ERGIC2: variants seen among roughly 807,000 people sequenced by gnomAD.
ERGIC2 encodes the protein endoplasmic reticulum-Golgi intermediate compartment protein 2.
A neutral mutation model predicts 52.5 loss-of-function variants in ERGIC2; 31 were observed. That is an observed-to-expected ratio of 0.59 (90% CI 0.44 to 0.80). The LOEUF is 0.80. ERGIC2 is among the 30% of genes least tolerant of loss of function. The pLI is 0.00. For synonymous variants in ERGIC2, 129 were observed against 140.6 expected (o/e 0.92, Z 0.58); for missense variants, 395 against 455.2 (o/e 0.87, Z 1.20).
Position 29,343,266 on chromosome 12 carries a change from T to C in ERGIC2, c.842A>G (p.His281Arg), listed in dbSNP as rs1471217158. ...AGAGACTCCATGGCTGCCTGCAGCA[T>C]GGTTAATGATACGTTCCTAAAAGGG... ...SVTERERIIN[H>R]AAGSHGVSGI... Residue 281 changes from histidine to arginine, a missense_variant, in exon 12 of 14, where the codon CAT becomes CGT. Physicochemically the swap from His to Arg is conservative, Grantham distance 29. Coordinates refer to ENST00000360150, the MANE Select transcript of ERGIC2 (RefSeq NM_016570.3). 3 of 1,591,236 alleles carry C rather than the reference T, an allele frequency of 1.9e-6. No homozygotes were observed. The highest frequency in any genetic ancestry group is 2.3e-5 in the East Asian group (1 of 44,442).
intron 12 of ERGIC2, among the ~76,000 whole-genome samples, chr12:29,342,025 T>C (rs1949843820): frequency 6.6e-6 from 1 of 152,096 alleles, no homozygotes; most frequent in East Asian, 1.9e-4. Context: ...GCACAATCTT[T>C]TTTTTTTTGA....
At chr12:29,344,500 A>G (rs1940014930) in intron 11 of ERGIC2, among the ~76,000 whole-genome samples, 1 of 152,142 alleles carries the variant, frequency 6.6e-6, no homozygotes, top group Non-Finnish European at 1.5e-5. Context: ...AAAGCACAAT[A>G]TGTTCTGGTA....
chr12:29,356,103 C>G (rs1352753874), intron 8 of ERGIC2, among the ~76,000 whole-genome samples: 1 of 151,936 alleles, frequency 6.6e-6, no homozygotes, highest in Non-Finnish European at 1.5e-5. Flanking sequence ...CTCACTACAA[C>G]CTCCGCCTCC....
intron 5 of ERGIC2, 63 bp downstream of exon 5, chr12:29,366,814 C>A: frequency 2.3e-6 from 2 of 872,050 alleles, no homozygotes; most frequent in African/African-American, 1.7e-5. Context: ...AAGCAACTAT[C>A]TGTCTTCAAG....
chr12:29,379,030 T>C (rs892655135), intron 1 of ERGIC2, among the ~76,000 whole-genome samples: 1 of 152,196 alleles, frequency 6.6e-6, no homozygotes, highest in African/African-American at 2.4e-5. Context: ...GTGAGGTTAG[T>C]TGACAATCTC....
At chr12:29,366,366 G>A (rs188521240) in intron 5 of ERGIC2, among the ~76,000 whole-genome samples, 25 of 151,986 alleles carry the variant, frequency 1.6e-4, no homozygotes, top group Non-Finnish European at 3.2e-4. Context: ...CATTTCACAC[G>A]CTGAGGGAAA....
At chr12:29,354,721 G>A (rs1196246675) in intron 8 of ERGIC2, among the ~76,000 whole-genome samples, 1 of 152,164 alleles carries the variant, frequency 6.6e-6, no homozygotes, top group African/African-American at 2.4e-5. Context: ...CACCTGGGAA[G>A]GAAAGTGAAA....
chr12:29,344,532 G>A (rs1940015291), intron 11 of ERGIC2, among the ~76,000 whole-genome samples: 1 of 152,046 alleles, frequency 6.6e-6, no homozygotes, highest in East Asian at 1.9e-4. Flanking sequence ...TAGTTTCTTT[G>A]TGTGAGTGTA....
At chr12:29,369,463 T>C (rs552275033) in intron 3 of ERGIC2, among the ~76,000 whole-genome samples, 1 of 152,116 alleles carries the variant, frequency 6.6e-6, no homozygotes, top group African/African-American at 2.4e-5. Flanking sequence ...TTGCTGTCTG[T>C]ACTTTACAAA....
chr12:29,351,113 T>G (rs932035168), intron 8 of ERGIC2, among the ~76,000 whole-genome samples: 2 of 152,008 alleles, frequency 1.3e-5, no homozygotes, highest in African/African-American at 4.8e-5. Context: ...TGCTATGTAG[T>G]AGGGCAAGAT....
chr12:29,356,069 T>A (rs1223830522), intron 8 of ERGIC2, among the ~76,000 whole-genome samples: 1 of 152,090 alleles, frequency 6.6e-6, no homozygotes, highest in Admixed American at 6.6e-5. Flanking sequence ...TCGCCCAGGC[T>A]GTAGTGCAGT....
chr12:29,341,506 G>A (rs1263165578), intron 13 of ERGIC2, among the ~76,000 whole-genome samples: 1 of 152,090 alleles, frequency 6.6e-6, no homozygotes, highest in Non-Finnish European at 1.5e-5. Context: ...AAGTAGCTGG[G>A]ACTACAGGCT....
Position 29,340,736 on chromosome 12 carries a change from C to A in ERGIC2, c.*420G>T. On this transcript the variant is annotated 3_prime_UTR_variant, in exon 14 of 14. Coordinates refer to ENST00000360150, the MANE Select transcript of ERGIC2 (RefSeq NM_016570.3). Reference sequence around the variant, plus strand: ...TTCCGTATGTTTTCCACATTTTATTCTGACATCATATCTTTTAAAAACAAA... The same window carrying A: ...TTCCGTATGTTTTCCACATTTTATTATGACATCATATCTTTTAAAAACAAA... The A allele has an allele frequency of 2.6e-6, 1 of 378,676 alleles. No homozygotes were observed. The highest frequency in any genetic ancestry group is 5.0e-6 in the Non-Finnish European group (1 of 199,648). 23.5% of individuals were successfully genotyped at this position (378,676 alleles called of 1,614,324 possible). A position where few individuals can be genotyped will look rare whatever the true frequency, so the allele number is the denominator to read the frequency against.
In ERGIC2 at chr12:29,340,805, T is replaced by A; in HGVS notation, c.*351A>T. 1 of 431,772 alleles carries A rather than the reference T, an allele frequency of 2.3e-6. No homozygotes were observed. The highest frequency in any genetic ancestry group is 4.5e-6 in the Non-Finnish European group (1 of 224,032). 26.7% of individuals were successfully genotyped at this position (431,772 alleles called of 1,614,324 possible). On this transcript the variant is annotated 3_prime_UTR_variant, in exon 14 of 14. Transcript: ENST00000360150. The stretch of plus-strand genomic sequence containing the variant: ...CTTCTCAATGTTTTTTTTTTTCCCA[T>A]AGATGTAGTTTCACTTATTTCCTTC...
rs758382039 is a variant in ERGIC2, at chr12:29,357,743, T to C, written c.375-19A>G. On this transcript the variant is annotated intron_variant, in intron 6 of 13. Coordinates refer to ENST00000360150, the MANE Select transcript of ERGIC2 (RefSeq NM_016570.3). ...CAGCATCCTAAATAAGAAGCAATAA[T>C]TTAGAACTACAGAAAGGTACACAAA... The C allele has an allele frequency of 1.5e-5, 21 of 1,382,038 alleles. No homozygotes were observed. Among genetic ancestry groups the C allele is most frequent in the Non-Finnish European group, 2.1e-5 (20 of 969,948 alleles). 85.6% of individuals were successfully genotyped at this position (1,382,038 alleles called of 1,614,324 possible). A position where few individuals can be genotyped will look rare whatever the true frequency, so the allele number is the denominator to read the frequency against.
At chr12:29,342,423 G>T (rs552356192) in intron 12 of ERGIC2, among the ~76,000 whole-genome samples, 1 of 152,094 alleles carries the variant, frequency 6.6e-6, no homozygotes, top group Admixed American at 6.6e-5. Context: ...AAAGAATTTC[G>T]AAAGAAAAGC....
In ERGIC2 at chr12:29,341,061, GTTTTC is replaced by G. The variant is rs1949836152; in HGVS notation, c.*90_*94del. Reference sequence around the variant, plus strand: ...ATAAGTATGTTTTCTGCTTATTTGTGTTTTCTTTTCTTTGAATATATTGCACAATA... The same window carrying G: ...ATAAGTATGTTTTCTGCTTATTTGTGTTTTCTTTGAATATATTGCACAATA... On this transcript the variant is annotated 3_prime_UTR_variant, in exon 14 of 14. Coordinates refer to ENST00000360150, the MANE Select transcript of ERGIC2 (RefSeq NM_016570.3). 9 of 875,202 alleles carry G rather than the reference GTTTTC, an allele frequency of 1.0e-5. No homozygotes were observed. Among genetic ancestry groups the G allele is most frequent in the East Asian group, 2.7e-5 (1 of 36,700 alleles). The allele number at this position is 875,202 out of a possible 1,614,324, so 54.2% of individuals were successfully genotyped here. A position where few individuals can be genotyped will look rare whatever the true frequency, so the allele number is the denominator to read the frequency against.
At chr12:29,362,239 A>G (rs1268661599) in intron 5 of ERGIC2, among the ~76,000 whole-genome samples, 2 of 152,164 alleles carry the variant, frequency 1.3e-5, no homozygotes, top group African/African-American at 4.8e-5. Flanking sequence ...AAATATGCAA[A>G]CTTCTCATAG....
At chr12:29,363,308 T>C (rs1382553803) in intron 5 of ERGIC2, among the ~76,000 whole-genome samples, 1 of 152,142 alleles carries the variant, frequency 6.6e-6, no homozygotes, top group Non-Finnish European at 1.5e-5. Flanking sequence ...GCTTGTAAAC[T>C]AGTAAAGTTA....
Sources: allele counts gnomAD v4.1 joint callset (sites outside exome capture counted in the v4.1 genomes callset), GRCh38; gene constraint gnomAD v4.1.1; transcripts MANE v1.5; gene names NCBI Gene and HGNC (gene_info 2026-07-23, HGNC 2026-07-21).